Variants in URB1 observed in about 807,000 individuals in gnomAD.
URB1 encodes nucleolar pre-ribosomal-associated protein 1.
URB1 carries 197 observed loss-of-function variants against 242.3 expected under a neutral mutation model. The ratio of observed to expected loss-of-function variants is 0.81; its 90% confidence interval spans 0.72 to 0.91. The LOEUF (loss-of-function observed/expected upper bound fraction) is 0.91. URB1 is among the 40% of genes least tolerant of loss of function. URB1 has a pLI of 0.00. For synonymous variants in URB1, 1,153 were observed against 1,201.8 expected (o/e 0.96, Z 0.84); for missense variants, 2,721 against 2,860.5 (o/e 0.95, Z 1.11).
At chr21:32,345,641 C>G in intron 22 of URB1, 66 bp from the exon 23 acceptor site, 1 of 1,421,938 alleles carries the variant, frequency 7.0e-7, no homozygotes, top group Non-Finnish European at 9.4e-7. Flanking sequence ...CTTGGACCAG[C>G]TCCTAGGAAC....
intron 17 of URB1, among the ~76,000 whole-genome samples, chr21:32,354,417 T>C (rs1242735838): frequency 2.6e-5 from 4 of 152,096 alleles, no homozygotes; most frequent in African/African-American, 4.8e-5. Context: ...AGAGGCAAAA[T>C]AGTGTGAGGG....
chr21:32,379,352 C>T (rs566824252), intron 4 of URB1, among the ~76,000 whole-genome samples: 1 of 152,386 alleles, frequency 6.6e-6, no homozygotes, highest in African/African-American at 2.4e-5. Flanking sequence ...CCATTGCTTA[C>T]ACCCAGCACT....
intron 4 of URB1, among the ~76,000 whole-genome samples, chr21:32,382,797 C>T (rs1447521352): frequency 1.3e-5 from 2 of 152,246 alleles, no homozygotes; most frequent in East Asian, 3.9e-4. Flanking sequence ...CAGGAGTCCT[C>T]CAAGTGTGCC....
chr21:32,329,878 C>G (rs2123555752), intron 30 of URB1, among the ~76,000 whole-genome samples: 1 of 152,282 alleles, frequency 6.6e-6, no homozygotes, highest in South Asian at 2.1e-4. Flanking sequence ...ATAGATGCAG[C>G]TTGGCAGCAA....
intron 19 of URB1, among the ~76,000 whole-genome samples, chr21:32,351,687 A>T (rs1319524806): frequency 2.0e-5 from 3 of 152,298 alleles, no homozygotes; most frequent in Admixed American, 6.5e-5. Context: ...CACACCCTGG[A>T]GGGTGAGAAC....
intron 30 of URB1, among the ~76,000 whole-genome samples, chr21:32,330,251 G>T: frequency 9.1e-6 from 1 of 109,712 alleles, no homozygotes; most frequent in East Asian, 2.7e-4. Context: ...CCACCTGTAT[G>T]CCTTTTGAAA....
chr21:32,368,508 G>T lies in URB1; in HGVS notation c.1092C>A (p.Leu364=). ...TGTTCAGTAAGTCCGGGCACACTTTGAGGATGTTTACCACAAGGTCAGCCA... is the reference window on the plus strand; with the variant it reads ...TGTTCAGTAAGTCCGGGCACACTTTTAGGATGTTTACCACAAGGTCAGCCA... ...DLVADLVVNI[L]KVCPDLLNKY... Residue 364 remains leucine, a synonymous_variant, in exon 9 of 39, where the codon CTC becomes CTA. Coordinates refer to ENST00000382751, the MANE Select transcript of URB1 (RefSeq NM_014825.3). 1.3e-6 allele frequency: 2 copies of T among 1,551,824 alleles called. No individual in the cohort carries two copies. Among genetic ancestry groups the T allele is most frequent in the Non-Finnish European group, 1.7e-6 (2 of 1,147,014 alleles).
chr21:32,353,917 G>A lies in URB1; in HGVS notation c.2416+16C>T. The A allele has an allele frequency of 6.4e-7, 1 of 1,551,048 alleles. No homozygotes were observed. The highest frequency in any genetic ancestry group is 8.7e-7 in the Non-Finnish European group (1 of 1,146,686). On this transcript the variant is annotated intron_variant, in intron 18 of 38. Coordinates refer to ENST00000382751, the MANE Select transcript of URB1 (RefSeq NM_014825.3). ...CGGCCAGGTGCAGCCAAGACATCCT[G>A]ACTATACATAGGTACCTGCTTCATT... is the stretch of plus-strand genomic sequence containing the variant.
At chr21:32,375,514 C>A (rs1422171206) in intron 5 of URB1, 31 bp from the exon 6 acceptor site, 23 of 1,320,916 alleles carry the variant, frequency 1.7e-5, no homozygotes, top group South Asian at 2.7e-5. Context: ...GCATTAAATT[C>A]AAAAATATTT....
In URB1 at chr21:32,313,925, G is replaced by A. The variant is rs13050265; in HGVS notation, c.*993C>T. On this transcript the variant is annotated 3_prime_UTR_variant, in exon 39 of 39. Coordinates refer to ENST00000382751, the MANE Select transcript of URB1 (RefSeq NM_014825.3). The stretch of plus-strand genomic sequence containing the variant: ...CTATGTGGAGCAAAAATAGCCTCTT[G>A]ACAACAATGAAAGGAAAACACAAAA... 0.92 allele frequency: 140,349 copies of A among 152,710 alleles called. 64,771 individuals carry two copies. Among genetic ancestry groups the A allele is most frequent in the Middle Eastern group, 0.99 (290 of 294 alleles). 9.5% of individuals were successfully genotyped at this position (152,710 alleles called of 1,614,324 possible).
chr21:32,373,764 G>A lies in URB1; in HGVS notation c.759C>T (p.His253=). The A allele has an allele frequency of 6.5e-7, 1 of 1,538,056 alleles. No homozygotes were observed. Among genetic ancestry groups the A allele is most frequent in the Non-Finnish European group, 8.8e-7 (1 of 1,142,596 alleles). The part of the protein sequence containing the change: ...LLSTLKTKVV[H]NKNITKTQKV... Reference sequence around the variant, plus strand: ...TCTGGGTTTTTGTGATATTTTTATTGTGAACTACCTGAAACAATAATAAAA... The same window carrying A: ...TCTGGGTTTTTGTGATATTTTTATTATGAACTACCTGAAACAATAATAAAA... Residue 253 remains histidine, a synonymous_variant, in exon 7 of 39, where the codon CAC becomes CAT. Transcript: ENST00000382751.
In URB1 at chr21:32,314,760, A is replaced by T; in HGVS notation, c.*158T>A. 1 of 1,433,458 alleles carries T rather than the reference A, an allele frequency of 7.0e-7. No individual in the cohort carries two copies. Among genetic ancestry groups the T allele is most frequent in the Non-Finnish European group, 9.6e-7 (1 of 1,039,746 alleles). The allele number at this position is 1,433,458 out of a possible 1,614,324, so 88.8% of individuals were successfully genotyped here. ...TATCATTTACTGGGCAGTTCAATAA[A>T]GTCCTCTCAACTTTTCTTGTCAAAG... On this transcript the variant is annotated 3_prime_UTR_variant, in exon 39 of 39. Coordinates refer to ENST00000382751, the MANE Select transcript of URB1 (RefSeq NM_014825.3).
At chr21:32,318,742 C>T (rs1034290211) in intron 36 of URB1, among the ~76,000 whole-genome samples, 7 of 152,244 alleles carry the variant, frequency 4.6e-5, no homozygotes, top group South Asian at 4.1e-4. Flanking sequence ...TCCAAGGGAT[C>T]GGAGGAAAAT....
rs367992818 is a variant in URB1 at position 32,363,153 on chromosome 21, T to C, written c.1509+3A>G. ...GAAAGCCCAAACCCAGATCAGAGCC[T>C]ACCTTGCTCAGGGCTTCTCTGAAGA... On this transcript the variant is annotated splice_donor_region_variant and intron_variant, in intron 11 of 38. Transcript: ENST00000382751. 1.1e-5 allele frequency: 17 copies of C among 1,551,122 alleles called. No homozygotes were observed. Among genetic ancestry groups the C allele is most frequent in the South Asian group, 2.4e-5 (2 of 83,932 alleles).
chr21:32,355,349 A>C (rs1331479099), intron 16 of URB1, 100 bp downstream of exon 16: 1 of 1,040,246 alleles, frequency 9.6e-7, no homozygotes, highest in Non-Finnish European at 1.4e-6. Flanking sequence ...CAGGACGAGA[A>C]GCCTTTTGGT....
intron 32 of URB1, among the ~76,000 whole-genome samples, chr21:32,324,036 C>T (rs1477710332): frequency 2.6e-5 from 4 of 152,112 alleles, no homozygotes; most frequent in Non-Finnish European, 5.9e-5. Context: ...GATCATCACC[C>T]CATCTTAGAG....
rs1400385992 is a variant in URB1, at chr21:32,317,784, T to C, written c.5926A>G (p.Lys1976Glu). Residue 1976 changes from lysine (K) to glutamate (E), a missense_variant, in exon 37 of 39, where the codon AAG becomes GAG. Transcript: ENST00000382751. ...TTGTGCAAGAGGACAAGGACGTCCT[T>C]GGTGGAAAGCACTGTCTCATTTACG... The part of the protein sequence containing the change: ...FTVNETVLST[K>E]DVLVLLHKWS... 1 of 1,551,952 alleles carries C rather than the reference T, an allele frequency of 6.4e-7. No individual in the cohort carries two copies. Among genetic ancestry groups the C allele is most frequent in the South Asian group, 1.2e-5 (1 of 84,058 alleles).
At chr21:32,316,219 C>T (rs952470596) in intron 38 of URB1, among the ~76,000 whole-genome samples, 1 of 152,182 alleles carries the variant, frequency 6.6e-6, no homozygotes, top group Non-Finnish European at 1.5e-5. Context: ...CCTCTCTGCA[C>T]CGTCAACATA....
Position 32,361,907 on chromosome 21 carries a change from C to T in URB1, c.1624G>A (p.Asp542Asn), listed in dbSNP as rs954600606. 3.2e-6 allele frequency: 5 copies of T among 1,551,124 alleles called. No homozygotes were observed. Among genetic ancestry groups the T allele is most frequent in the East Asian group, 2.4e-5 (1 of 40,926 alleles). ...GAGACCTTACCGCACTGGTGAGCAT[C>T]GCAGGCAGCCGGGGGCCCATCGCTC... ...KRSDGPPAAC[D>N]AHQCDDAETI... Residue 542 changes from aspartate (D) to asparagine (N), a missense_variant, in exon 12 of 39, where the codon GAT becomes AAT. Asp to Asn is a conservative substitution (Grantham distance 23). Transcript: ENST00000382751.
Sources: gnomAD v4.1 joint callset for allele counts (sites outside exome capture counted in the v4.1 genomes callset) on GRCh38, gnomAD v4.1.1 for gene constraint, MANE v1.5 for transcripts, NCBI Gene and HGNC (gene_info 2026-07-23, HGNC 2026-07-21) for gene names.